The following GRM7 variants were observed in gnomAD, a reference collection of about 807,000 sequenced individuals.
The protein encoded by GRM7 is metabotropic glutamate receptor 7.
Under a neutral mutation model 84.5 loss-of-function variants are expected in GRM7, and 35 were observed. That is an observed-to-expected ratio of 0.41 (90% confidence interval 0.32 to 0.55). The LOEUF is 0.55. GRM7 is among the 20% of genes least tolerant of loss of function. GRM7 has a pLI of 0.19. For missense variants in GRM7, 1,003 were observed against 1,194.6 expected (o/e 0.84, Z 2.36); for synonymous variants, 487 against 455.1 (o/e 1.07, Z -0.89).
At chr3:7,245,312 T>C (rs1487859890) in intron 2 of GRM7, among the ~76,000 whole-genome samples, 1 of 151,798 alleles carries the variant, frequency 6.6e-6, no homozygotes, top group African/African-American at 2.4e-5. Flanking sequence ...GCCAAACGAA[T>C]CTCAGGCAGG....
At chr3:7,645,281 G>A (rs536380431) in intron 8 of GRM7, among the ~76,000 whole-genome samples, 6 of 152,060 alleles carry the variant, frequency 3.9e-5, no homozygotes, top group Non-Finnish European at 8.8e-5. Context: ...GGGCACAGTG[G>A]CTCACGCCTG....
intron 1 of GRM7, among the ~76,000 whole-genome samples, chr3:6,967,294 G>A (rs1009899685): frequency 6.6e-5 from 10 of 152,126 alleles, no homozygotes; most frequent in African/African-American, 2.2e-4. Flanking sequence ...CTGGGCACAG[G>A]TGATCTTCCC....
intron 2 of GRM7, among the ~76,000 whole-genome samples, chr3:7,276,170 A>C (rs1699041770): frequency 6.6e-6 from 1 of 150,744 alleles, no homozygotes. Flanking sequence ...AAATCAGAAA[A>C]CTTAACCATT....
At chr3:6,979,325 T>G (rs1694111665) in intron 1 of GRM7, among the ~76,000 whole-genome samples, 1 of 152,186 alleles carries the variant, frequency 6.6e-6, no homozygotes, top group Non-Finnish European at 1.5e-5. Context: ...TGGACTACCC[T>G]GCAAGCCAAG....
chr3:7,341,392 A>G (rs1692623408), intron 4 of GRM7, among the ~76,000 whole-genome samples: 1 of 151,670 alleles, frequency 6.6e-6, no homozygotes, highest in Non-Finnish European at 1.5e-5. Flanking sequence ...TTGTTTATTT[A>G]GCAAACATTT....
intron 1 of GRM7, among the ~76,000 whole-genome samples, chr3:7,030,989 C>T (rs1696163997): frequency 6.6e-6 from 1 of 152,066 alleles, no homozygotes; most frequent in Non-Finnish European, 1.5e-5. Flanking sequence ...AAAGTATATG[C>T]TCTACTTATT....
chr3:7,356,920 T>TCACACACACACACACACACA (rs34481316), intron 4 of GRM7, among the ~76,000 whole-genome samples: 2 of 131,284 alleles, frequency 1.5e-5, no homozygotes, highest in Non-Finnish European at 3.2e-5. Flanking sequence ...GCCTTTTTGA[T>TCACACACACACACACACACA]CACACACACA....
intron 2 of GRM7, among the ~76,000 whole-genome samples, chr3:7,208,495 T>C (rs1021557574): frequency 6.6e-5 from 10 of 152,172 alleles, no homozygotes; most frequent in African/African-American, 2.4e-4. Flanking sequence ...AAAAAATCTA[T>C]ATTGAGCCCC....
At chr3:6,922,317 C>T (rs181367636) in intron 1 of GRM7, among the ~76,000 whole-genome samples, 3 of 152,268 alleles carry the variant, frequency 2.0e-5, no homozygotes, top group Non-Finnish European at 2.9e-5. Flanking sequence ...TTTCCATTAC[C>T]GAAGATAGTC....
intron 4 of GRM7, among the ~76,000 whole-genome samples, chr3:7,400,752 A>G (rs767005200): frequency 3.3e-5 from 5 of 151,902 alleles, no homozygotes; most frequent in Admixed American, 1.3e-4. Flanking sequence ...TGGCTTCGTT[A>G]TTTCTTCTTG....
intron 1 of GRM7, among the ~76,000 whole-genome samples, chr3:6,954,910 G>A (rs1014964696): frequency 4.6e-5 from 7 of 152,290 alleles, no homozygotes; most frequent in Non-Finnish European, 8.8e-5. Flanking sequence ...TCAAATTTAT[G>A]TCTAGGTTTT....
chr3:7,674,858 T>C (rs1481794112), intron 8 of GRM7, among the ~76,000 whole-genome samples: 1 of 152,154 alleles, frequency 6.6e-6, no homozygotes, highest in Non-Finnish European at 1.5e-5. Flanking sequence ...TTTAAAAAGA[T>C]AAAAGTACCA....
intron 1 of GRM7, among the ~76,000 whole-genome samples, chr3:7,047,864 T>C (rs1365845426): frequency 1.3e-5 from 2 of 152,042 alleles, no homozygotes; most frequent in African/African-American, 2.4e-5. Context: ...AAAAACCTCT[T>C]TATTTTGAAA....
chr3:7,475,490 A>C (rs1263384457), intron 7 of GRM7, among the ~76,000 whole-genome samples: 1 of 152,090 alleles, frequency 6.6e-6, no homozygotes. Context: ...AGTATAGATC[A>C]CCTTGGCTTT....
rs58630822 is a variant in GRM7, at chr3:6,953,255, G to T, written c.519+91348G>T. Among the ~76,000 whole-genome samples, 748 of 152,278 alleles carry T rather than the reference G, an allele frequency of 4.9e-3. 10 individuals carry two copies. Among genetic ancestry groups the T allele is most frequent in the African/African-American group, 0.017 (724 of 41,550 alleles). ...TTGAATACAGTTAGAAGACAGAGAAGAGGGTGCAGAAGCCACATTGTTCTC... is the reference window on the plus strand; with the variant it reads ...TTGAATACAGTTAGAAGACAGAGAATAGGGTGCAGAAGCCACATTGTTCTC... On this transcript the variant is annotated intron_variant, in intron 1 of 9. Coordinates refer to ENST00000357716, the MANE Select transcript of GRM7 (RefSeq NM_000844.4).
At chr3:7,521,431 C>G (rs1268158459) in intron 7 of GRM7, among the ~76,000 whole-genome samples, 1 of 152,188 alleles carries the variant, frequency 6.6e-6, no homozygotes, top group Admixed American at 6.5e-5. Flanking sequence ...GTGATTAGTG[C>G]CCTTAGAAAA....
chr3:7,185,931 G>A (rs1695498765), intron 2 of GRM7, among the ~76,000 whole-genome samples: 1 of 152,166 alleles, frequency 6.6e-6, no homozygotes, highest in African/African-American at 2.4e-5. Context: ...TTGTTTGTAA[G>A]CTCATTTTAT....
intron 1 of GRM7, among the ~76,000 whole-genome samples, chr3:7,133,271 A>T (rs952276646): frequency 1.3e-5 from 2 of 152,228 alleles, no homozygotes; most frequent in African/African-American, 4.8e-5. Context: ...TTGTGACTAC[A>T]GAGTGATGGT....
chr3:7,312,183 C>T (rs2136151), intron 4 of GRM7, among the ~76,000 whole-genome samples: 2 of 151,876 alleles, frequency 1.3e-5, no homozygotes, highest in African/African-American at 2.4e-5. Context: ...TTTTTAACAG[C>T]GGGCAATAAA....
Sources: gnomAD v4.1 joint callset for allele counts (sites outside exome capture counted in the v4.1 genomes callset) on GRCh38, gnomAD v4.1.1 for gene constraint, MANE v1.5 for transcripts, NCBI Gene and HGNC (gene_info 2026-07-23, HGNC 2026-07-21) for gene names.